Variants in PPFIA4 observed in about 807,000 individuals in gnomAD.
PPFIA4 encodes PPFI scaffold protein A4, also known as liprin-alpha-4.
Under a neutral mutation model 145.7 loss-of-function variants are expected in PPFIA4, and 98 were observed. That is an observed-to-expected ratio of 0.67 (90% CI 0.57 to 0.80). PPFIA4 has a LOEUF of 0.80. Among genes scored for constraint, PPFIA4 ranks in the 30% least tolerant of loss-of-function variants. PPFIA4 has a pLI of 0.00. For synonymous variants in PPFIA4, 628 were observed against 649.6 expected, an observed-to-expected ratio of 0.97 and a Z score of 0.51; for missense variants, 1,457 against 1,632.7, an observed-to-expected ratio of 0.89 and a Z score of 1.85.
At chr1:203,061,785 C>T in intron 24 of PPFIA4, 107 bp downstream of exon 24, 1 of 1,217,614 alleles carries the variant, frequency 8.2e-7, no homozygotes, top group Non-Finnish European at 1.1e-6. Flanking sequence ...ATATGAAAAG[C>T]CCTGGACATA....
chr1:203,076,121 C>G, intron 29 of PPFIA4: 1 of 609,970 alleles, frequency 1.6e-6, no homozygotes, highest in Non-Finnish European at 2.9e-6. Context: ...GCTGCTGGCC[C>G]TCGGCCCCAC....
Position 203,063,649 on chromosome 1 carries a change from C to T in PPFIA4, c.2875-179C>T, listed in dbSNP as rs1270382399. 5.1e-6 allele frequency: 3 copies of T among 587,210 alleles called. No homozygotes were observed. The African/African-American group carries it at 5.6e-5, about 11-fold the overall frequency. The allele number at this position is 587,210 out of a possible 1,614,324, so 36.4% of individuals were successfully genotyped here. A position where few individuals can be genotyped will look rare whatever the true frequency, so the allele number is the denominator to read the frequency against. On this transcript the variant is annotated intron_variant, in intron 24 of 29. Transcript: ENST00000295706. ...GATCTTAAAAAGTTCCATTTAAAAT[C>T]CTCACCTCCCACCACTACCAGCCCC... is the stretch of plus-strand genomic sequence containing the variant.
In PPFIA4 at chr1:203,049,704, T is replaced by C; in HGVS notation, c.1448T>C (p.Leu483Pro). The C allele has an allele frequency of 6.3e-7, 1 of 1,578,458 alleles. No homozygotes were observed. The highest frequency in any genetic ancestry group is 1.2e-5 in the South Asian group (1 of 86,128). Residue 483 changes from leucine (L) to proline (P), a missense_variant, in exon 13 of 30, where the codon CTG (leucine) becomes CCG (proline). Around this residue, in one of 3 missense-constraint regions of PPFIA4, gnomAD observed 848 missense variants for 1,046.7 expected, o/e 0.81. Coordinates refer to ENST00000295706, the MANE Select transcript of PPFIA4 (RefSeq NM_001304331.2). ...CGCCTGTCTGAAGAGATTGAGAAGC[T>C]GCGCCAAGAGGTGGACCAGCTGAAG... Reference protein sequence around the residue: ...KGRLSEEIEKLRQEVDQLKGR... With the variant: ...KGRLSEEIEKPRQEVDQLKGR...
At position 203,053,943 on chromosome 1, in the gene PPFIA4, C is replaced by G; in HGVS notation, c.1811C>G (p.Ala604Gly). 1.3e-6 allele frequency: 2 copies of G among 1,564,822 alleles called. No homozygotes were observed. Among genetic ancestry groups the G allele is most frequent in the Non-Finnish European group, 1.7e-6 (2 of 1,154,460 alleles). The change falls in exon 15 of 30, where the codon GCC (alanine) becomes GGC (glycine). Residue 604 changes from alanine to glycine, a missense_variant. Coordinates refer to ENST00000295706, the MANE Select transcript of PPFIA4 (RefSeq NM_001304331.2). ...ATGATGCTGCAGGAGCAGCTGGATG[C>G]CATCAATGAGGAAATCAGGTTAGGG... ...LAMMLQEQLD[A>G]INEEIRMIQE... is the part of the protein sequence containing the mutation.
rs903110661 is a variant in PPFIA4 at position 203,078,117 on chromosome 1, G to C, written c.*1727G>C. The C allele has an allele frequency of 6.6e-6, 1 of 152,272 alleles. No homozygotes were observed. Among genetic ancestry groups the C allele is most frequent in the African/African-American group, 2.4e-5 (1 of 41,454 alleles). 9.4% of individuals were successfully genotyped at this position (152,272 alleles called of 1,614,324 possible). A position where few individuals can be genotyped will look rare whatever the true frequency, so the allele number is the denominator to read the frequency against. On this transcript the variant is annotated 3_prime_UTR_variant, in exon 30 of 30. Coordinates refer to ENST00000295706, the MANE Select transcript of PPFIA4 (RefSeq NM_001304331.2). ...TGTGGTGGGGTGGGCTCTCCCTTAG[G>C]CTTGGGCAAGGCAGCCACCTGCCCT...
intron 8 of PPFIA4, 92 bp downstream of exon 8, chr1:203,046,079 G>C: frequency 1.3e-6 from 2 of 1,577,114 alleles, no homozygotes; most frequent in Non-Finnish European, 1.7e-6. Flanking sequence ...GAGCCCCTGG[G>C]GTCCTGCAGG....
intron 20 of PPFIA4, 34 bp downstream of exon 20, chr1:203,059,305 G>A (rs1455500842): frequency 4.1e-6 from 6 of 1,456,432 alleles, no homozygotes; most frequent in East Asian, 2.5e-5. Context: ...GCCAGGGTGG[G>A]GCCCAGCCCC....
At chr1:203,046,507 G>C (rs1035861052) in intron 9 of PPFIA4, 125 bp downstream of exon 9, 19 of 1,163,496 alleles carry the variant, frequency 1.6e-5, no homozygotes, top group Admixed American at 2.7e-5. Flanking sequence ...GCTTCCCGCC[G>C]TGTGATTCCA....
chr1:203,045,812 A>T (rs1012342051), intron 7 of PPFIA4, 29 bp from the exon 8 acceptor site: 1 of 1,612,514 alleles, frequency 6.2e-7, no homozygotes, highest in African/African-American at 1.3e-5. Flanking sequence ...AAGGCTGGTT[A>T]CCGTCCTTCT....
chr1:203,071,451 TA>T (rs796611286), intron 27 of PPFIA4, among the ~76,000 whole-genome samples: 982 of 73,560 alleles, frequency 0.013, 3 homozygotes, highest in African/African-American at 0.051. Context: ...GCCACTACTT[TA>T]AAAAAAAAAA....
Position 203,048,370 on chromosome 1 carries a change from C to A in PPFIA4, c.1224+60C>A, listed in dbSNP as rs577181603. On this transcript the variant is annotated intron_variant, in intron 10 of 29. Transcript: ENST00000295706. The surrounding 1 kb of genome is among the most constrained non-coding windows in gnomAD (Gnocchi z 5.8). ...CTTCCCGCAGGACAGGCTCCCAGGGCGGTCTGTGGAAGGGGCACGGAGGAA... is the reference window on the plus strand; with the variant it reads ...CTTCCCGCAGGACAGGCTCCCAGGGAGGTCTGTGGAAGGGGCACGGAGGAA... 6.4e-7 allele frequency: 1 copy of A among 1,571,010 alleles called. No individual in the cohort carries two copies.
rs1247441481 is a variant in PPFIA4, at chr1:203,059,288, A to G, written c.2501+17A>G. 4.7e-6 allele frequency: 7 copies of G among 1,474,154 alleles called. No individual in the cohort carries two copies. The highest frequency in any genetic ancestry group is 6.5e-6 in the Non-Finnish European group (7 of 1,075,864). The allele number at this position is 1,474,154 out of a possible 1,614,324, so 91.3% of individuals were successfully genotyped here. ...AAAGAAGAAGTAAGAGCCACAGGCC[A>G]GGGTCTGCCAGGGTGGGGCCCAGCC... On this transcript the variant is annotated intron_variant, in intron 20 of 29. Coordinates refer to ENST00000295706, the MANE Select transcript of PPFIA4 (RefSeq NM_001304331.2).
At chr1:203,046,146 C>G in intron 8 of PPFIA4, 102 bp from the exon 9 acceptor site, 5 of 1,514,102 alleles carry the variant, frequency 3.3e-6, no homozygotes, top group Non-Finnish European at 4.5e-6. Context: ...AAGATTGTCC[C>G]TTGCTGCTTC....
At position 203,048,243 on chromosome 1, in the gene PPFIA4, G is replaced by A. The variant is rs1304015565; in HGVS notation, c.1157G>A (p.Gly386Asp). The change falls in exon 10 of 30, where the codon GGC (glycine) becomes GAC (aspartate). Residue 386 changes from glycine (G) to aspartate (D), a missense_variant. Physicochemically the swap from Gly to Asp is moderately conservative, Grantham distance 94. Around this residue, in one of 3 missense-constraint regions of PPFIA4, gnomAD observed 848 missense variants for 1,046.7 expected, o/e 0.81. Transcript: ENST00000295706. The surrounding 1 kb of genome is among the most constrained non-coding windows in gnomAD (Gnocchi z 5.8). ...TGCCCCTAGGCTGAAGAACGGCATG[G>A]CAACATTGAGGAGCACCTGCGGCAG... Reference protein sequence around the residue: ...AALTKAEERHGNIEEHLRQLE... With the variant: ...AALTKAEERHDNIEEHLRQLE... 2 of 1,612,732 alleles carry A rather than the reference G, an allele frequency of 1.2e-6. No homozygotes were observed. Among genetic ancestry groups the A allele is most frequent in the Non-Finnish European group, 1.7e-6 (2 of 1,179,870 alleles).
intron 1 of PPFIA4, among the ~76,000 whole-genome samples, chr1:203,038,004 G>T (rs755987803): frequency 2.0e-5 from 3 of 152,194 alleles, no homozygotes; most frequent in Non-Finnish European, 4.4e-5. Flanking sequence ...TATGGGCAAT[G>T]TAGCAGGTCA....
chr1:203,048,352 C>T lies in PPFIA4; in HGVS notation c.1224+42C>T, dbSNP rs2102642253. On this transcript the variant is annotated intron_variant, in intron 10 of 29. Transcript: ENST00000295706. The surrounding 1 kb of genome is among the most constrained non-coding windows in gnomAD (Gnocchi z 5.8). ...GGGCCCTCAGGCCCCCTCCTTCCCG[C>T]AGGACAGGCTCCCAGGGCGGTCTGT... 6.9e-6 allele frequency: 11 copies of T among 1,593,076 alleles called. No individual in the cohort carries two copies. Among genetic ancestry groups the T allele is most frequent in the Non-Finnish European group, 8.6e-6 (10 of 1,167,960 alleles).
chr1:203,052,184 G>A (rs1660584046), intron 14 of PPFIA4, among the ~76,000 whole-genome samples: 2 of 151,588 alleles, frequency 1.3e-5, no homozygotes, highest in Admixed American at 6.6e-5. Flanking sequence ...GTCGGGCGTG[G>A]GGGGTGGGGG....
intron 19 of PPFIA4, among the ~76,000 whole-genome samples, 169 bp from the exon 20 acceptor site, chr1:203,059,009 C>T (rs1483822844): frequency 6.6e-6 from 1 of 152,212 alleles, no homozygotes; most frequent in Non-Finnish European, 1.5e-5. Flanking sequence ...TTCTCTGAGA[C>T]TGCTTGGATG....
Position 203,068,318 on chromosome 1 carries a change from A to G in PPFIA4, c.3149-135A>G, listed in dbSNP as rs865901054. The G allele has an allele frequency of 4.5e-5, 34 of 757,492 alleles. No homozygotes were observed. The African/African-American group carries it at 5.7e-4, about 13-fold the overall frequency. 46.9% of individuals were successfully genotyped at this position (757,492 alleles called of 1,614,324 possible). ...GGGAGGAGAGAAAGAAGATATGGAA[A>G]TTTAGGGATGGAGTGGGGGTCAGAG... is the stretch of plus-strand genomic sequence containing the variant. On this transcript the variant is annotated intron_variant, in intron 26 of 29. Coordinates refer to ENST00000295706, the MANE Select transcript of PPFIA4 (RefSeq NM_001304331.2). The surrounding 1 kb of genome is among the most constrained non-coding windows in gnomAD (Gnocchi z 4.7).
Sources: allele counts gnomAD v4.1 joint callset (sites outside exome capture counted in the v4.1 genomes callset), GRCh38; gene constraint gnomAD v4.1.1; regional missense constraint gnomAD v4.1.1; non-coding constraint Gnocchi (gnomAD v3.1); transcripts MANE v1.5; gene names NCBI Gene and HGNC (gene_info 2026-07-23, HGNC 2026-07-21).